Variants in ZFP64 observed in about 807,000 individuals in gnomAD.
ZFP64 encodes the protein zinc finger protein 64.
ZFP64 carries 14 observed loss-of-function variants against 51.6 expected under a neutral mutation model. The ratio of observed to expected loss-of-function variants is 0.27; its 90% CI spans 0.18 to 0.42. The LOEUF (loss-of-function observed/expected upper bound fraction) is 0.42. Ranked by LOEUF, ZFP64 falls within the 10% of genes least tolerant of loss-of-function variation. The pLI is 1.00. For missense variants in ZFP64, 754 were observed against 906.8 expected (o/e 0.83, Z 2.16); for synonymous variants, 375 against 361.4 (o/e 1.04, Z -0.43).
At chr20:52,117,363 AGTCC>A (rs1978929614) in intron 5 of ZFP64, among the ~76,000 whole-genome samples, 1 of 152,172 alleles carries the variant, frequency 6.6e-6, no homozygotes, top group Non-Finnish European at 1.5e-5. Flanking sequence ...TCACACCTGT[AGTCC>A]CAGCACTTTG....
intron 5 of ZFP64, among the ~76,000 whole-genome samples, chr20:52,115,540 G>C (rs1978820233): frequency 6.7e-6 from 1 of 149,180 alleles, no homozygotes; most frequent in African/African-American, 2.5e-5. Flanking sequence ...TCAGCCTCCC[G>C]AGTAGCTGGG....
In ZFP64 at chr20:52,151,662, A is replaced by G; in HGVS notation, c.*484T>C. ...AATGCGACGATTCAGAGGTGGTCTC[A>G]AAGTTGTTACAGTGTTAAAAAAATT... On this transcript the variant is annotated 3_prime_UTR_variant, in exon 6 of 6. Transcript: ENST00000216923. 3 of 991,222 alleles carry G rather than the reference A, an allele frequency of 3.0e-6. No homozygotes were observed. The highest frequency in any genetic ancestry group is 3.6e-6 in the Non-Finnish European group (3 of 833,010). 61.4% of individuals were successfully genotyped at this position (991,222 alleles called of 1,614,324 possible). A position where few individuals can be genotyped will look rare whatever the true frequency, so the allele number is the denominator to read the frequency against.
At chr20:52,105,113 C>G in intron 5 of ZFP64, 1 of 1,404,046 alleles carries the variant, frequency 7.1e-7, no homozygotes, top group South Asian at 1.6e-5. Context: ...CCGGGCGGGG[C>G]TCCAGCGGCG....
Position 52,151,815 on chromosome 20 carries a change from G to A in ZFP64, c.*331C>T. 1 of 1,057,188 alleles carries A rather than the reference G, an allele frequency of 9.5e-7. No individual in the cohort carries two copies. Among genetic ancestry groups the A allele is most frequent in the Non-Finnish European group, 1.2e-6 (1 of 864,644 alleles). 65.5% of individuals were successfully genotyped at this position (1,057,188 alleles called of 1,614,324 possible). A position where few individuals can be genotyped will look rare whatever the true frequency, so the allele number is the denominator to read the frequency against. Reference sequence around the variant, plus strand: ...ACCTGTAATCCCAGCACTTTGGGAGGCTGAGGTGGGCAGATCACTTGAGGT... The same window carrying A: ...ACCTGTAATCCCAGCACTTTGGGAGACTGAGGTGGGCAGATCACTTGAGGT... On this transcript the variant is annotated 3_prime_UTR_variant, in exon 6 of 6. Transcript: ENST00000216923.
intron 1 of ZFP64, 145 bp from the exon 2 acceptor site, chr20:52,187,216 C>G (rs1418735707): frequency 1.3e-6 from 1 of 761,960 alleles, no homozygotes; most frequent in Non-Finnish European, 2.0e-6. Flanking sequence ...CCTCTTCCTG[C>G]GAACTGCATC....
chr20:52,101,940 CAAAAA>C (rs1190342919), intron 5 of ZFP64, among the ~76,000 whole-genome samples: 5 of 77,688 alleles, frequency 6.4e-5, no homozygotes, highest in East Asian at 3.3e-4. Flanking sequence ...CTAAAAATAC[CAAAAA>C]AAAAAAAAAA....
intron 7 of ZFP64, chr20:52,097,309 A>C: frequency 2.6e-6 from 4 of 1,525,154 alleles, no homozygotes; most frequent in African/African-American, 1.4e-5. Context: ...CTGTGTCCCT[A>C]GCGCTTAATT....
intron 5 of ZFP64, among the ~76,000 whole-genome samples, chr20:52,159,636 A>G (rs1358238686): frequency 6.6e-6 from 1 of 152,216 alleles, no homozygotes; most frequent in East Asian, 1.9e-4. Flanking sequence ...AGACCACTTG[A>G]GGTCAGGAGT....
chr20:52,115,240 T>A, intron 5 of ZFP64, among the ~76,000 whole-genome samples: 1 of 145,382 alleles, frequency 6.9e-6, no homozygotes, highest in Non-Finnish European at 1.5e-5. Context: ...GATTTATGAA[T>A]ACTAGCATGC....
intron 5 of ZFP64, among the ~76,000 whole-genome samples, chr20:52,106,091 C>G (rs1261983413): frequency 6.6e-6 from 1 of 152,184 alleles, no homozygotes; most frequent in Admixed American, 6.5e-5. Context: ...GCTCCCGCCC[C>G]GTGACTCGGG....
At chr20:52,101,940 C>CAAAAAAAAAAAAA (rs1190342919) in intron 5 of ZFP64, among the ~76,000 whole-genome samples, 2 of 77,688 alleles carry the variant, frequency 2.6e-5, no homozygotes, top group Non-Finnish European at 5.2e-5. Flanking sequence ...CTAAAAATAC[C>CAAAAAAAAAAAAA]AAAAAAAAAA....
chr20:52,171,472 T>C (rs1042186992), intron 2 of ZFP64, among the ~76,000 whole-genome samples: 6 of 152,110 alleles, frequency 3.9e-5, no homozygotes, highest in Non-Finnish European at 7.4e-5. Flanking sequence ...CAGACTGACC[T>C]TGGACCAATT....
Position 52,144,591 on chromosome 20 carries a change from A to AAAAAAG in ZFP64, c.763+15531_763+15532insCTTTTT, listed in dbSNP as rs1444629647. Among the ~76,000 whole-genome samples the AAAAAAG allele has an allele frequency of 2.9e-3, 433 of 148,006 alleles. 40 individuals carry two copies. Among genetic ancestry groups the AAAAAAG allele is most frequent in the African/African-American group, 0.01 (416 of 39,954 alleles). On this transcript the variant is annotated intron_variant, in intron 5 of 8. Coordinates refer to the ZFP64 transcript ENST00000361387. ...GAGACTCCGTCTCAAAAAAAAAAAA[A>AAAAAAG]AAAAAAAAAAATGCTGAAAGCTGAA...
At chr20:52,131,074 G>T (rs1489167311) in intron 5 of ZFP64, among the ~76,000 whole-genome samples, 1 of 146,572 alleles carries the variant, frequency 6.8e-6, no homozygotes, top group Non-Finnish European at 1.5e-5. Context: ...TCAAAAATAA[G>T]AATAATAATA....
intron 5 of ZFP64, among the ~76,000 whole-genome samples, chr20:52,114,543 G>A (rs1453024259): frequency 2.6e-5 from 4 of 152,302 alleles, no homozygotes; most frequent in East Asian, 1.9e-4. Flanking sequence ...GGCTAGTAAA[G>A]CCTGTTCCCA....
At chr20:52,132,313 A>T (rs897931843) in intron 5 of ZFP64, among the ~76,000 whole-genome samples, 1 of 152,176 alleles carries the variant, frequency 6.6e-6, no homozygotes, top group African/African-American at 2.4e-5. Context: ...TTAAAGAACT[A>T]GAAAAGCAAA....
At chr20:52,141,769 CA>C (rs1980266894) in intron 5 of ZFP64, among the ~76,000 whole-genome samples, 1 of 152,156 alleles carries the variant, frequency 6.6e-6, no homozygotes, top group Non-Finnish European at 1.5e-5. Context: ...GTTGATTAGG[CA>C]GTGTCAGGTT....
intron 3 of ZFP64, chr20:52,165,355 CA>C: frequency 2.2e-6 from 1 of 455,460 alleles, no homozygotes; most frequent in Non-Finnish European, 4.4e-6. Flanking sequence ...ATCACATTGT[CA>C]GCAACTTTCA....
chr20:52,167,469 T>A (rs1415184494), intron 2 of ZFP64, among the ~76,000 whole-genome samples: 1 of 85,148 alleles, frequency 1.2e-5, no homozygotes, highest in Non-Finnish European at 2.6e-5. Flanking sequence ...TAGGCATGTT[T>A]CCTCCCTCCC....
Sources: gnomAD v4.1 joint callset for allele counts (sites outside exome capture counted in the v4.1 genomes callset) on GRCh38, gnomAD v4.1.1 for gene constraint, MANE v1.5 for transcripts, NCBI Gene and HGNC (gene_info 2026-07-23, HGNC 2026-07-21) for gene names.